ADAM2: variants seen among roughly 807,000 people sequenced by gnomAD.
ADAM2 encodes disintegrin and metalloproteinase domain-containing protein 2.
ADAM2 carries 101 observed loss-of-function variants against 99.3 expected under a neutral mutation model. The ratio of observed to expected loss-of-function variants is 1.02; its 90% CI spans 0.87 to 1.20. The LOEUF is 1.20. Among genes scored for constraint, ADAM2 ranks in the 50% most tolerant of loss-of-function variants. ADAM2 has a pLI of 0.00. For missense variants in ADAM2, 948 were observed against 878.7 expected (o/e 1.08, Z -1.00); for synonymous variants, 323 against 287.6 (o/e 1.12, Z -1.25).
intron 4 of ADAM2, among the ~76,000 whole-genome samples, chr8:39,821,973 G>A (rs1415686326): frequency 1.3e-5 from 2 of 152,126 alleles, no homozygotes; most frequent in African/African-American, 4.8e-5. Context: ...TTGCATGGTA[G>A]ATAAGCAAAG....
chr8:39,829,033 T>C (rs937196583), intron 3 of ADAM2, among the ~76,000 whole-genome samples: 1 of 151,806 alleles, frequency 6.6e-6, no homozygotes, highest in Non-Finnish European at 1.5e-5. Flanking sequence ...TACAGAAAGA[T>C]AGAAGATTCA....
chr8:39,792,551 G>T (rs376840061), intron 7 of ADAM2, among the ~76,000 whole-genome samples: 2 of 151,930 alleles, frequency 1.3e-5, no homozygotes, highest in African/African-American at 4.8e-5. Context: ...ACAAAATAAA[G>T]GTTGATAAAT....
At chr8:39,759,798 G>A (rs1802280559) in intron 15 of ADAM2, among the ~76,000 whole-genome samples, 1 of 152,144 alleles carries the variant, frequency 6.6e-6, no homozygotes, top group Non-Finnish European at 1.5e-5. Flanking sequence ...CTTTACTTTT[G>A]AAATAATATC....
At position 39,777,184 on chromosome 8, in the gene ADAM2, C is replaced by T. The variant is rs182562838; in HGVS notation, c.892-23G>A. Reference sequence around the variant, plus strand: ...GTGCTGAGAAAAAAAAATAGATGTACACGTTTTGGGAGATTATTTTGTTTA... The same window carrying T: ...GTGCTGAGAAAAAAAAATAGATGTATACGTTTTGGGAGATTATTTTGTTTA... On this transcript the variant is annotated intron_variant, in intron 10 of 20. Coordinates refer to ENST00000265708, the MANE Select transcript of ADAM2 (RefSeq NM_001464.5). The T allele has an allele frequency of 4.7e-4, 751 of 1,587,286 alleles. 2 individuals carry two copies. In the African/African-American group the frequency reaches 9.4e-3, roughly 20 times the overall value.
rs777596842 is a variant in ADAM2 at position 39,767,017 on chromosome 8, CCTACACATT to C, written c.1329_1337del (p.Met444_Arg446del). 5.6e-6 allele frequency: 9 copies of C among 1,613,840 alleles called. No individual in the cohort carries two copies. The highest frequency in any genetic ancestry group is 2.2e-5 in the East Asian group (1 of 44,856). On this transcript the variant is annotated inframe_deletion, in exon 14 of 21. Transcript: ENST00000265708. ...GGAGGTCGCATTCTTCAAAGGAAGG[CCTACACATT>C]CTTTCTTTTGACATAAACTGATGGG... is the stretch of plus-strand genomic sequence containing the variant.
chr8:39,755,132 A>G (rs1460132671), intron 16 of ADAM2, among the ~76,000 whole-genome samples: 1 of 152,164 alleles, frequency 6.6e-6, no homozygotes. Flanking sequence ...AATTTATGAC[A>G]TTAGATGTAT....
intron 11 of ADAM2, among the ~76,000 whole-genome samples, chr8:39,771,997 G>T (rs903840937): frequency 6.6e-6 from 1 of 151,592 alleles, no homozygotes; most frequent in African/African-American, 2.4e-5. Flanking sequence ...GTTAATGGGT[G>T]CAGCACACCG....
chr8:39,810,456 T>A (rs1378187301), intron 6 of ADAM2, among the ~76,000 whole-genome samples: 1 of 152,160 alleles, frequency 6.6e-6, no homozygotes, highest in African/African-American at 2.4e-5. Flanking sequence ...TACAGAACTC[T>A]CCACCCCAAA....
rs566452681 is a variant in ADAM2 at position 39,783,080 on chromosome 8, A to G, written c.891+3894T>C. 7.9e-5 allele frequency among the ~76,000 whole-genome samples: 12 copies of G among 152,256 alleles called. No homozygotes were observed. In the East Asian group the frequency reaches 2.1e-3, roughly 27 times the overall value. ...ATACCCTGTATTTTTAATGTCACTTAGCTCAAAATGAGTTATCTCATTATT... is the reference window on the plus strand; with the variant it reads ...ATACCCTGTATTTTTAATGTCACTTGGCTCAAAATGAGTTATCTCATTATT... On this transcript the variant is annotated intron_variant, in intron 10 of 20. Transcript: ENST00000265708.
intron 9 of ADAM2, 61 bp downstream of exon 9, chr8:39,788,024 T>A: frequency 1.8e-6 from 2 of 1,129,568 alleles, no homozygotes; most frequent in Middle Eastern, 2.3e-4. Context: ...CAGTAAGATA[T>A]TCGGTCAAAT....
At chr8:39,837,419 C>T (rs1805878531) in intron 1 of ADAM2, among the ~76,000 whole-genome samples, 1 of 150,266 alleles carries the variant, frequency 6.7e-6, no homozygotes, top group Non-Finnish European at 1.5e-5. Flanking sequence ...CTCACTCTGT[C>T]GCCCAGGCCC....
At chr8:39,782,800 G>T (rs1183805300) in intron 10 of ADAM2, among the ~76,000 whole-genome samples, 1 of 151,866 alleles carries the variant, frequency 6.6e-6, no homozygotes, top group African/African-American at 2.4e-5. Flanking sequence ...GTTATAACTT[G>T]TATATATCTT....
intron 14 of ADAM2, among the ~76,000 whole-genome samples, chr8:39,764,690 T>C (rs1802495425): frequency 6.6e-6 from 1 of 152,114 alleles, no homozygotes; most frequent in South Asian, 2.1e-4. Context: ...AGTGAACTCA[T>C]TGCTTGGTAA....
chr8:39,826,102 C>T (rs905160280), intron 3 of ADAM2, among the ~76,000 whole-genome samples: 1 of 151,722 alleles, frequency 6.6e-6, no homozygotes, highest in Non-Finnish European at 1.5e-5. Flanking sequence ...GATCTTTTAC[C>T]TCCTTCATTA....
chr8:39,808,570 G>A (rs751334949), intron 7 of ADAM2, among the ~76,000 whole-genome samples: 18 of 152,078 alleles, frequency 1.2e-4, no homozygotes, highest in Non-Finnish European at 2.1e-4. Context: ...TGGATAAGGT[G>A]GTCTTAAATG....
intron 7 of ADAM2, among the ~76,000 whole-genome samples, chr8:39,808,472 T>A (rs993298131): frequency 1.3e-5 from 2 of 152,200 alleles, no homozygotes; most frequent in Non-Finnish European, 2.9e-5. Context: ...GATTAGAATA[T>A]TCCAAATTGT....
chr8:39,799,372 T>C (rs1262047051), intron 7 of ADAM2, among the ~76,000 whole-genome samples: 3 of 152,184 alleles, frequency 2.0e-5, no homozygotes, highest in Non-Finnish European at 4.4e-5. Flanking sequence ...TAATCCTGGG[T>C]TCTAATTTGA....
chr8:39,835,422 C>T (rs951219670), intron 2 of ADAM2, among the ~76,000 whole-genome samples: 9 of 152,058 alleles, frequency 5.9e-5, no homozygotes, highest in South Asian at 4.1e-4. Context: ...CGGTGGCTCA[C>T]GCCTGTAATC....
chr8:39,813,618 T>C (rs932612163), intron 6 of ADAM2, among the ~76,000 whole-genome samples: 7 of 152,154 alleles, frequency 4.6e-5, no homozygotes, highest in Admixed American at 1.3e-4. Flanking sequence ...ATGTCCTTTG[T>C]AGGGACATGG....
Sources: allele counts gnomAD v4.1 joint callset (sites outside exome capture counted in the v4.1 genomes callset), GRCh38; gene constraint gnomAD v4.1.1; transcripts MANE v1.5; gene names NCBI Gene and HGNC (gene_info 2026-07-23, HGNC 2026-07-21).